Variants in ARHGAP10 observed in about 807,000 individuals in gnomAD.
The protein encoded by ARHGAP10 is rho GTPase-activating protein 10.
A neutral mutation model predicts 108.6 loss-of-function variants in ARHGAP10; 87 were observed. The ratio of observed to expected loss-of-function variants is 0.80; its 90% CI spans 0.67 to 0.96. ARHGAP10 has a LOEUF of 0.96. Among genes scored for constraint, ARHGAP10 ranks in the 40% least tolerant of loss-of-function variants. ARHGAP10 has a pLI of 0.00. For synonymous variants in ARHGAP10, 347 were observed against 341.1 expected (o/e 1.02, Z -0.19); for missense variants, 939 against 954.5 (o/e 0.98, Z 0.21).
At chr4:148,035,166 T>G (rs1020043888) in intron 19 of ARHGAP10, among the ~76,000 whole-genome samples, 4 of 152,234 alleles carry the variant, frequency 2.6e-5, no homozygotes, top group Non-Finnish European at 5.9e-5. Flanking sequence ...GCTGATTCTC[T>G]CATCAGCTTT....
chr4:147,824,471 C>T (rs1054648222), intron 3 of ARHGAP10, among the ~76,000 whole-genome samples: 111 of 152,198 alleles, frequency 7.3e-4, no homozygotes, highest in African/African-American at 2.6e-3. Flanking sequence ...TGACTGTGTG[C>T]CAGTGCATTA....
At chr4:147,988,668 C>T (rs919076004) in intron 18 of ARHGAP10, among the ~76,000 whole-genome samples, 1 of 152,188 alleles carries the variant, frequency 6.6e-6, no homozygotes, top group Non-Finnish European at 1.5e-5. Flanking sequence ...AAACCAAGAG[C>T]TGCAACATGA....
chr4:148,008,454 G>A (rs773988811), intron 18 of ARHGAP10, among the ~76,000 whole-genome samples: 33 of 151,564 alleles, frequency 2.2e-4, no homozygotes, highest in Non-Finnish European at 4.4e-4. Flanking sequence ...TCTAGAGACA[G>A]TTTTGGTGAT....
At chr4:147,796,686 C>T (rs10032488) in intron 1 of ARHGAP10, among the ~76,000 whole-genome samples, 114,200 of 151,856 alleles carry the variant, frequency 0.75, 48,338 homozygotes, top group Non-Finnish European at 0.93. Flanking sequence ...CCACCATGCC[C>T]GGCTAATTTT....
chr4:148,040,068 C>A (rs1728563584), intron 19 of ARHGAP10, among the ~76,000 whole-genome samples: 1 of 152,144 alleles, frequency 6.6e-6, no homozygotes, highest in Non-Finnish European at 1.5e-5. Context: ...CATCTTCTCC[C>A]CTTTCTTTTC....
At chr4:147,933,492 C>A (rs1737787067) in intron 13 of ARHGAP10, among the ~76,000 whole-genome samples, 1 of 152,184 alleles carries the variant, frequency 6.6e-6, no homozygotes, top group African/African-American at 2.4e-5. Flanking sequence ...CTTCAGAGGG[C>A]CTTCCAGGAT....
At chr4:147,859,104 G>A (rs1015804266) in intron 5 of ARHGAP10, among the ~76,000 whole-genome samples, 8 of 152,086 alleles carry the variant, frequency 5.3e-5, no homozygotes, top group Non-Finnish European at 1.0e-4. Context: ...CAGGGCCGTT[G>A]TATTTGTTTT....
intron 3 of ARHGAP10, among the ~76,000 whole-genome samples, chr4:147,827,580 G>A (rs1732766476): frequency 1.3e-5 from 2 of 152,040 alleles, no homozygotes; most frequent in Admixed American, 1.3e-4. Flanking sequence ...CCCCGACACC[G>A]GGACAAGGAG....
intron 16 of ARHGAP10, among the ~76,000 whole-genome samples, chr4:147,957,077 G>A (rs1738813411): frequency 6.6e-6 from 1 of 152,166 alleles, no homozygotes. Flanking sequence ...AGTACCTTGT[G>A]TTTTGCTTCC....
chr4:147,952,243 G>T (rs1738632017), intron 15 of ARHGAP10, among the ~76,000 whole-genome samples: 1 of 152,192 alleles, frequency 6.6e-6, no homozygotes. Context: ...TATTTGAGTG[G>T]ACGCAGGCTT....
At chr4:147,775,063 C>T (rs1162706538) in intron 1 of ARHGAP10, among the ~76,000 whole-genome samples, 4 of 152,082 alleles carry the variant, frequency 2.6e-5, no homozygotes, top group South Asian at 2.1e-4. Context: ...TATAGGCTCT[C>T]GCCACCACGC....
chr4:147,850,580 C>T (rs924444867), intron 4 of ARHGAP10, among the ~76,000 whole-genome samples: 1 of 152,076 alleles, frequency 6.6e-6, no homozygotes, highest in Non-Finnish European at 1.5e-5. Flanking sequence ...AGCAAGACCA[C>T]GAACCCACCA....
chr4:147,798,257 A>G (rs372220618), intron 1 of ARHGAP10, among the ~76,000 whole-genome samples: 1 of 151,960 alleles, frequency 6.6e-6, no homozygotes, highest in African/African-American at 2.4e-5. Context: ...AAATATCGGT[A>G]CCTGCCTCTG....
intron 6 of ARHGAP10, chr4:147,865,862 C>T (rs1035021502): frequency 1.3e-5 from 2 of 152,126 alleles, no homozygotes; most frequent in Non-Finnish European, 2.9e-5. Context: ...TAATAATGGC[C>T]TGCTTTTATT....
chr4:147,784,759 ATG>A lies in ARHGAP10; in HGVS notation c.155-37966_155-37965del, dbSNP rs1346496810. 5.5e-5 allele frequency among the ~76,000 whole-genome samples: 3 copies of A among 54,880 alleles called. 1 individual carries two copies. Among genetic ancestry groups the A allele is most frequent in the Non-Finnish European group, 1.0e-4 (3 of 29,808 alleles). The allele number at this position is 54,880 out of a possible 152,430, so 36.0% of individuals were successfully genotyped here. A position where few individuals can be genotyped will look rare whatever the true frequency, so the allele number is the denominator to read the frequency against. ...ATATATTATAAATATATATTATAAA[ATG>A]TATATTATAAATATAATATATTATA... is the stretch of plus-strand genomic sequence containing the variant. On this transcript the variant is annotated intron_variant, in intron 1 of 22. Transcript: ENST00000336498.
chr4:148,042,583 G>A (rs1487488447), intron 19 of ARHGAP10, among the ~76,000 whole-genome samples: 2 of 152,160 alleles, frequency 1.3e-5, no homozygotes, highest in Admixed American at 1.3e-4. Context: ...ACTCCCACCT[G>A]TCTTTCGCTC....
Position 148,020,241 on chromosome 4 carries a change from T to C in ARHGAP10, c.1717-3022T>C, listed in dbSNP as rs138646472. ...TCAGGGCTTGGCAAGGTTCAAGGAATTGATTATATATGTACAGTGACAAAT... is the reference window on the plus strand; with the variant it reads ...TCAGGGCTTGGCAAGGTTCAAGGAACTGATTATATATGTACAGTGACAAAT... On this transcript the variant is annotated intron_variant, in intron 18 of 22. Coordinates refer to ENST00000336498, the MANE Select transcript of ARHGAP10 (RefSeq NM_024605.4). Among the ~76,000 whole-genome samples the C allele has an allele frequency of 3.9e-5, 6 of 152,286 alleles. No individual in the cohort carries two copies. In the East Asian group the frequency reaches 1.2e-3, roughly 29 times the overall value.
In ARHGAP10 at chr4:147,732,472, G is replaced by A; in HGVS notation, c.154+17G>A. On this transcript the variant is annotated intron_variant, in intron 1 of 22. Coordinates refer to ENST00000336498, the MANE Select transcript of ARHGAP10 (RefSeq NM_024605.4). ...CGACGAAAAGTAAGCGGGGACGCGG[G>A]CGCGGACGGGCTGCGGCGTGGCGAG... 2 of 1,609,012 alleles carry A rather than the reference G, an allele frequency of 1.2e-6. No homozygotes were observed. The highest frequency in any genetic ancestry group is 1.7e-6 in the Non-Finnish European group (2 of 1,177,438).
chr4:147,935,024 G>A (rs191295598), intron 13 of ARHGAP10, among the ~76,000 whole-genome samples: 7 of 152,288 alleles, frequency 4.6e-5, no homozygotes, highest in Admixed American at 4.6e-4. Flanking sequence ...GCACATATCT[G>A]ATGAATAAAT....
Sources: gnomAD v4.1 joint callset for allele counts (sites outside exome capture counted in the v4.1 genomes callset) on GRCh38, gnomAD v4.1.1 for gene constraint, MANE v1.5 for transcripts, NCBI Gene and HGNC (gene_info 2026-07-23, HGNC 2026-07-21) for gene names.